CNTRL: variants seen among roughly 807,000 people sequenced by gnomAD.
CNTRL encodes 110 kDa centrosomal protein.
In CNTRL, 233 loss-of-function variants were observed where a neutral mutation model predicts 303.7. That is an observed-to-expected ratio of 0.77 (90% CI 0.69 to 0.86). The LOEUF is 0.86. CNTRL is among the 40% of genes least tolerant of loss of function. The probability of loss-of-function intolerance (pLI) is 0.00; values close to 1 mark genes in which losing one functional copy is unlikely to be tolerated. For synonymous variants in CNTRL, 900 were observed against 922.2 expected, an observed-to-expected ratio of 0.98 and a Z score of 0.44; for missense variants, 2,524 against 2,650.6, an observed-to-expected ratio of 0.95 and a Z score of 1.05.
chr9:121,077,142 C>T lies in CNTRL; in HGVS notation c.-205+2075C>T, dbSNP rs1010266665. Among the ~76,000 whole-genome samples, 8 of 152,030 alleles carry T rather than the reference C, an allele frequency of 5.3e-5. No homozygotes were observed. In the South Asian group the frequency reaches 8.3e-4, roughly 16 times the overall value. The stretch of plus-strand genomic sequence containing the variant: ...GATGGGTAGTGTTTTGTTGCCTGGA[C>T]GTAGGATTCTGATTATCATGTCATT... On this transcript the variant is annotated intron_variant, in intron 1 of 43. Transcript: ENST00000373855.
chr9:121,076,281 A>G (rs2047920919), intron 1 of CNTRL, among the ~76,000 whole-genome samples: 2 of 152,214 alleles, frequency 1.3e-5, no homozygotes, highest in Non-Finnish European at 2.9e-5. Flanking sequence ...GCTCAATAAA[A>G]TTGAATAATT....
Position 121,168,182 on chromosome 9 carries a change from G to A in CNTRL, c.5931G>A (p.Gln1977=). The A allele has an allele frequency of 3.1e-6, 5 of 1,614,178 alleles. No individual in the cohort carries two copies. Among genetic ancestry groups the A allele is most frequent in the Non-Finnish European group, 3.4e-6 (4 of 1,180,024 alleles). Residue 1977 remains glutamine (Q), a synonymous_variant, in exon 38 of 44, where the codon CAG becomes CAA. Transcript: ENST00000373855. ...TGACACTGAAGGAGCAACAGCACCAGCTGGAAAAGGAATTAACAGACCAGA... is the reference window on the plus strand; with the variant it reads ...TGACACTGAAGGAGCAACAGCACCAACTGGAAAAGGAATTAACAGACCAGA... ...SKVTLKEQQH[Q]LEKELTDQKS...
rs147018954 is a variant in CNTRL, at chr9:121,088,364, C to A, written c.38C>A (p.Ala13Glu). The change falls in exon 3 of 44, where the codon GCA becomes GAA. Residue 13 changes from alanine to glutamate, a missense_variant. Transcript: ENST00000373855. ...TCTCAACAAAAAATATTCTCCAAAG[C>A]AAAGATACCATCATCATCTCACTCT... ...KGSQQKIFSKAKIPSSSHSPI... is the reference protein window; with the variant it reads ...KGSQQKIFSKEKIPSSSHSPI... 3.0e-3 allele frequency: 4,889 copies of A among 1,613,364 alleles called. 18 individuals are homozygous for A. The highest frequency in any genetic ancestry group is 4.2e-3 in the Admixed American group (250 of 60,000).
At position 121,158,982 on chromosome 9, in the gene CNTRL, G is replaced by C; in HGVS notation, c.4892G>C (p.Gly1631Ala). ...GACCTCCAGGAAGCTCTGAGACTGG[G>C]AGAGACTGAAGTAACTGAGAAGTGC... ...KADLQEALRLGETEVTEKCNH... is the reference protein window; with the variant it reads ...KADLQEALRLAETEVTEKCNH... The change falls in exon 31 of 44, where the codon GGA (glycine) becomes GCA (alanine). Residue 1631 changes from glycine to alanine, a missense_variant. Coordinates refer to ENST00000373855, the MANE Select transcript of CNTRL (RefSeq NM_007018.6). The C allele has an allele frequency of 6.2e-7, 1 of 1,614,170 alleles. No individual in the cohort carries two copies. Among genetic ancestry groups the C allele is most frequent in the Non-Finnish European group, 8.5e-7 (1 of 1,180,028 alleles).
Position 121,098,590 on chromosome 9 carries a change from AAAT to A in CNTRL, c.808+24_808+26del. 6.6e-7 allele frequency: 1 copy of A among 1,512,126 alleles called. No homozygotes were observed. The allele number at this position is 1,512,126 out of a possible 1,614,324, so 93.7% of individuals were successfully genotyped here. A position where few individuals can be genotyped will look rare whatever the true frequency, so the allele number is the denominator to read the frequency against. ...CAGTTTAGGTAAGATTAAATTTAAA[AAAT>A]AATAAATTTGGGTGAGGGAGGAATT... is the stretch of plus-strand genomic sequence containing the variant. On this transcript the variant is annotated intron_variant, in intron 7 of 43. Coordinates refer to ENST00000373855, the MANE Select transcript of CNTRL (RefSeq NM_007018.6).
At chr9:121,152,247 C>T (rs1322763961) in intron 25 of CNTRL, 2 of 459,690 alleles carry the variant, frequency 4.4e-6, no homozygotes, top group Non-Finnish European at 7.9e-6. Context: ...AGGTTATCCA[C>T]AAGAGGCTTG....
chr9:121,076,216 A>C, intron 1 of CNTRL, among the ~76,000 whole-genome samples: 1 of 152,208 alleles, frequency 6.6e-6, no homozygotes, highest in Non-Finnish European at 1.5e-5. Context: ...TAGGGAGATA[A>C]AATCTTCTGC....
chr9:121,118,256 A>G, intron 11 of CNTRL, 90 bp from the exon 12 acceptor site: 2 of 1,048,904 alleles, frequency 1.9e-6, no homozygotes, highest in Non-Finnish European at 2.6e-6. Flanking sequence ...CTGATAGAAT[A>G]TAGAATACTT....
intron 14 of CNTRL, among the ~76,000 whole-genome samples, chr9:121,126,943 T>C (rs1354140789): frequency 6.6e-6 from 1 of 152,050 alleles, no homozygotes; most frequent in Non-Finnish European, 1.5e-5. Context: ...TGCCTCAGCC[T>C]CCCGAGTAGC....
chr9:121,116,820 G>T (rs1446175670), intron 11 of CNTRL, among the ~76,000 whole-genome samples: 1 of 152,186 alleles, frequency 6.6e-6, no homozygotes, highest in Non-Finnish European at 1.5e-5. Flanking sequence ...GCTGGTGGAT[G>T]TGGAGAGAAA....
At chr9:121,163,126 G>A (rs1257762235) in intron 34 of CNTRL, among the ~76,000 whole-genome samples, 1 of 150,736 alleles carries the variant, frequency 6.6e-6, no homozygotes, top group Non-Finnish European at 1.5e-5. Context: ...GATCACTTGA[G>A]CCCAGGAGTT....
chr9:121,148,898 GC>G (rs974093846), intron 24 of CNTRL, 37 bp downstream of exon 24: 2 of 1,580,542 alleles, frequency 1.3e-6, no homozygotes, highest in Non-Finnish European at 1.7e-6. Flanking sequence ...CATTTCTCTT[GC>G]CCGTTTAATA....
At chr9:121,076,204 A>G (rs2047917483) in intron 1 of CNTRL, among the ~76,000 whole-genome samples, 1 of 152,238 alleles carries the variant, frequency 6.6e-6, no homozygotes, top group South Asian at 2.1e-4. Flanking sequence ...GATCATGGGT[A>G]ATAGGGAGAT....
rs111668558 is a variant in CNTRL, at chr9:121,144,711, G to A, written c.3052-132G>A. 5.1e-4 allele frequency: 382 copies of A among 744,816 alleles called. 2 individuals are homozygous for A. Among genetic ancestry groups the A allele is most frequent in the African/African-American group, 3.0e-3 (175 of 58,302 alleles). The allele number at this position is 744,816 out of a possible 1,614,324, so 46.1% of individuals were successfully genotyped here. On this transcript the variant is annotated intron_variant, in intron 20 of 43. Coordinates refer to ENST00000373855, the MANE Select transcript of CNTRL (RefSeq NM_007018.6). ...TGGGAACAACACAGGAGAAGGTGGG[G>A]CTTGGATGTCCCTTTTCATGGACAG... is the stretch of plus-strand genomic sequence containing the variant.
At chr9:121,121,711 C>A in intron 12 of CNTRL, 1 of 873,250 alleles carries the variant, frequency 1.1e-6, no homozygotes, top group South Asian at 5.2e-5. Flanking sequence ...ATTTAACTCG[C>A]GGAGGGTGGG....
At chr9:121,078,935 C>G (rs1256978663) in intron 1 of CNTRL, among the ~76,000 whole-genome samples, 1 of 152,174 alleles carries the variant, frequency 6.6e-6, no homozygotes, top group East Asian at 1.9e-4. Flanking sequence ...CTCCCCAAAC[C>G]CAGTCTTTTA....
intron 15 of CNTRL, among the ~76,000 whole-genome samples, chr9:121,136,913 C>T (rs1476775950): frequency 2.0e-5 from 3 of 152,128 alleles, no homozygotes; most frequent in African/African-American, 7.2e-5. Flanking sequence ...GAAGACCACC[C>T]TACAGAAATG....
At chr9:121,098,079 T>A (rs1364679289) in intron 6 of CNTRL, among the ~76,000 whole-genome samples, 1 of 152,204 alleles carries the variant, frequency 6.6e-6, no homozygotes, top group East Asian at 1.9e-4. Flanking sequence ...CTTACAAGGC[T>A]TTGAGCTTTG....
At position 121,125,875 on chromosome 9, in the gene CNTRL, A is replaced by T; in HGVS notation, c.1964A>T (p.Glu655Val). The stretch of plus-strand genomic sequence containing the variant: ...GAGACATTGTTGCAGAGATTGACAG[A>T]AGTCGAGCAGGAGAGAGACCAGCTG... ...EKETLLQRLT[E>V]VEQERDQLEI... The change falls in exon 14 of 44, where the codon GAA (glutamate) becomes GTA (valine). Residue 655 changes from glutamate to valine, a missense_variant. Physicochemically the swap from Glu to Val is moderately radical, Grantham distance 121. Coordinates refer to ENST00000373855, the MANE Select transcript of CNTRL (RefSeq NM_007018.6). 1 of 1,614,202 alleles carries T rather than the reference A, an allele frequency of 6.2e-7. No homozygotes were observed. Among genetic ancestry groups the T allele is most frequent in the Non-Finnish European group, 8.5e-7 (1 of 1,180,022 alleles).
Sources: allele counts gnomAD v4.1 joint callset (sites outside exome capture counted in the v4.1 genomes callset), GRCh38; gene constraint gnomAD v4.1.1; transcripts MANE v1.5; gene names NCBI Gene and HGNC (gene_info 2026-07-23, HGNC 2026-07-21).